The following ME3 variants were observed in gnomAD, a reference collection of about 807,000 sequenced individuals.
ME3 encodes malic enzyme 3, also known as NADP-dependent malic enzyme, mitochondrial.
Under a neutral mutation model 68.9 loss-of-function variants are expected in ME3, and 48 were observed. That is an observed-to-expected ratio of 0.70 (90% CI 0.55 to 0.89). ME3 has a LOEUF of 0.89. ME3 is among the 40% of genes least tolerant of loss of function. ME3 has a pLI of 0.00. For synonymous variants in ME3, 320 were observed against 318.8 expected, an observed-to-expected ratio of 1.00 and a Z score of -0.04; for missense variants, 675 against 797.4, an observed-to-expected ratio of 0.85 and a Z score of 1.85.
At chr11:86,542,010 C>A (rs144811734) in intron 4 of ME3, among the ~76,000 whole-genome samples, 16,542 of 152,234 alleles carry the variant, frequency 0.11, 951 homozygotes, top group African/African-American at 0.14. Context: ...CCCAGGCAAA[C>A]AGGGTCTGGA....
chr11:86,664,934 T>C (rs891025811), intron 2 of ME3, among the ~76,000 whole-genome samples: 34 of 152,308 alleles, frequency 2.2e-4, no homozygotes, highest in Admixed American at 1.3e-4. Flanking sequence ...AGTGGGCCTC[T>C]GGGCACCCAA....
chr11:86,564,209 T>C (rs564627716), intron 2 of ME3, among the ~76,000 whole-genome samples: 1 of 152,272 alleles, frequency 6.6e-6, no homozygotes, highest in Admixed American at 6.5e-5. Context: ...TTATTTTCTA[T>C]CTGTATATCT....
intron 2 of ME3, among the ~76,000 whole-genome samples, chr11:86,566,458 AAATT>A (rs1033672326): frequency 1.1e-4 from 17 of 152,208 alleles, no homozygotes; most frequent in African/African-American, 4.1e-4. Flanking sequence ...ATTTCATCCA[AAATT>A]ATTACAACCC....
intron 7 of ME3, among the ~76,000 whole-genome samples, chr11:86,481,538 A>G (rs1951407465): frequency 6.6e-6 from 1 of 152,180 alleles, no homozygotes; most frequent in Non-Finnish European, 1.5e-5. Flanking sequence ...GGTCAGTATT[A>G]GCATATTAGA....
chr11:86,468,936 G>C (rs1314163885), intron 7 of ME3, among the ~76,000 whole-genome samples: 1 of 152,150 alleles, frequency 6.6e-6, no homozygotes, highest in African/African-American at 2.4e-5. Context: ...GCTACAGATT[G>C]CAAGTTATTT....
chr11:86,545,884 G>A (rs1956331437), intron 4 of ME3, among the ~76,000 whole-genome samples: 1 of 152,164 alleles, frequency 6.6e-6, no homozygotes, highest in Non-Finnish European at 1.5e-5. Context: ...GAACAAAGCT[G>A]GAGGCATCAT....
intron 2 of ME3, among the ~76,000 whole-genome samples, chr11:86,620,395 A>G (rs1481920802): frequency 6.6e-6 from 1 of 152,212 alleles, no homozygotes; most frequent in Non-Finnish European, 1.5e-5. Context: ...CTCTTATTGA[A>G]AAGACATCAG....
At chr11:86,664,175 C>A (rs1200414164) in intron 2 of ME3, among the ~76,000 whole-genome samples, 1 of 151,956 alleles carries the variant, frequency 6.6e-6, no homozygotes, top group Admixed American at 6.6e-5. Flanking sequence ...GAAACTGTAA[C>A]CTAAAATTGA....
Position 86,564,592 on chromosome 11 carries a change from C to A in ME3, c.184-4769G>T, listed in dbSNP as rs149132788. The stretch of plus-strand genomic sequence containing the variant: ...TTTTTGACAAGGATTCCAAGTCGAT[C>A]CAATGGGGGAAAGAATAGTCTCTTC... On this transcript the variant is annotated intron_variant, in intron 2 of 14. Coordinates refer to ENST00000543262, the Ensembl canonical transcript of ME3. 4.3e-4 allele frequency among the ~76,000 whole-genome samples: 66 copies of A among 152,192 alleles called. No individual in the cohort carries two copies. The East Asian group carries it at 0.012, about 28-fold the overall frequency.
Position 86,626,075 on chromosome 11 carries a change from G to T in ME3, c.183+45687C>A, listed in dbSNP as rs1046174119. On this transcript the variant is annotated intron_variant, in intron 2 of 14. Transcript: ENST00000543262. ...CAATATAGATATGACAGAGGGGACT[G>T]ACTACATCACGAAGTTCAGAGAAGG... 3.9e-5 allele frequency among the ~76,000 whole-genome samples: 6 copies of T among 152,194 alleles called. 1 individual carries two copies. Among genetic ancestry groups the T allele is most frequent in the Admixed American group, 3.9e-4 (6 of 15,282 alleles).
intron 2 of ME3, among the ~76,000 whole-genome samples, chr11:86,605,790 C>T (rs968582918): frequency 2.5e-4 from 5 of 19,826 alleles, no homozygotes; most frequent in Non-Finnish European, 3.9e-4. Context: ...CTGAGTCATA[C>T]AGTCAGAGGG....
intron 7 of ME3, among the ~76,000 whole-genome samples, chr11:86,474,790 C>T (rs1343869270): frequency 1.3e-5 from 2 of 152,188 alleles, no homozygotes; most frequent in African/African-American, 4.8e-5. Context: ...TGCCCTTTAT[C>T]AACCTTGATC....
intron 7 of ME3, among the ~76,000 whole-genome samples, chr11:86,485,088 G>T (rs144833558): frequency 1.4e-3 from 207 of 152,314 alleles, no homozygotes; most frequent in African/African-American, 4.9e-3. Context: ...AGACAGTCCA[G>T]TGCAATGTGA....
At chr11:86,450,709 A>C (rs1949579400) in intron 8 of ME3, among the ~76,000 whole-genome samples, 1 of 152,202 alleles carries the variant, frequency 6.6e-6, no homozygotes, top group African/African-American at 2.4e-5. Context: ...GGAAGACAAA[A>C]AGAAGCATGA....
chr11:86,558,603 G>T (rs936475295), intron 3 of ME3, among the ~76,000 whole-genome samples: 12 of 152,134 alleles, frequency 7.9e-5, no homozygotes, highest in African/African-American at 2.7e-4. Context: ...ACACCCTCAG[G>T]GACCCGAAGT....
rs546729021 is a variant in ME3 at position 86,578,231 on chromosome 11, G to A, written c.184-18408C>T. Among the ~76,000 whole-genome samples the A allele has an allele frequency of 2.6e-4, 39 of 152,092 alleles. No individual in the cohort carries two copies. The South Asian group carries it at 8.1e-3, about 32-fold the overall frequency. Reference sequence around the variant, plus strand: ...TAAAATTTAAATAATACTGTTCTTGGCACCCTAATGGCCCTCTGAGTCAGC... The same window carrying A: ...TAAAATTTAAATAATACTGTTCTTGACACCCTAATGGCCCTCTGAGTCAGC... On this transcript the variant is annotated intron_variant, in intron 2 of 14. Transcript: ENST00000543262.
At chr11:86,558,011 C>T (rs1165349157) in intron 3 of ME3, among the ~76,000 whole-genome samples, 2 of 152,060 alleles carry the variant, frequency 1.3e-5, no homozygotes, top group Non-Finnish European at 2.9e-5. Flanking sequence ...ATGAGGGACT[C>T]CTGGAAATAA....
intron 2 of ME3, among the ~76,000 whole-genome samples, chr11:86,662,193 G>C (rs1946325699): frequency 6.6e-6 from 1 of 152,224 alleles, no homozygotes; most frequent in African/African-American, 2.4e-5. Context: ...CTGCACACTA[G>C]AAGTGTTAGT....
chr11:86,458,090 A>C (rs995113783), intron 8 of ME3, among the ~76,000 whole-genome samples: 3 of 152,146 alleles, frequency 2.0e-5, no homozygotes, highest in African/African-American at 7.2e-5. Flanking sequence ...GGACAGAACA[A>C]CCTCTGCTAT....
Sources: gnomAD v4.1 joint callset for allele counts (sites outside exome capture counted in the v4.1 genomes callset) on GRCh38, gnomAD v4.1.1 for gene constraint, MANE v1.5 for transcripts, NCBI Gene and HGNC (gene_info 2026-07-23, HGNC 2026-07-21) for gene names.